PIK3C2A: variants seen among roughly 807,000 people sequenced by gnomAD.
PIK3C2A encodes the protein phosphatidylinositol-4-phosphate 3-kinase catalytic subunit type 2 alpha.
Under a neutral mutation model 204.5 loss-of-function variants are expected in PIK3C2A, and 97 were observed. That is an observed-to-expected ratio of 0.47 (90% CI 0.40 to 0.56). The LOEUF (loss-of-function observed/expected upper bound fraction) is 0.56, where lower values mean the gene tolerates loss of function less well. PIK3C2A is among the 20% of genes least tolerant of loss of function. The probability of loss-of-function intolerance (pLI) is 0.00; values close to 1 mark genes in which losing one functional copy is unlikely to be tolerated. For missense variants in PIK3C2A, 1,735 were observed against 1,969.2 expected (o/e 0.88, Z 2.25); for synonymous variants, 653 against 664.4 (o/e 0.98, Z 0.26).
intron 13 of PIK3C2A, among the ~76,000 whole-genome samples, chr11:17,125,979 C>T (rs1288758087): frequency 6.6e-6 from 1 of 151,758 alleles, no homozygotes; most frequent in Non-Finnish European, 1.5e-5. Context: ...CAAAAATTAG[C>T]CAGGCATGGT....
At chr11:17,123,005 T>C (rs1185273063) in intron 13 of PIK3C2A, among the ~76,000 whole-genome samples, 192 bp from the exon 14 acceptor site, 2 of 152,068 alleles carry the variant, frequency 1.3e-5, no homozygotes, top group African/African-American at 4.8e-5. Context: ...TGTATTGAAA[T>C]GTAGGGTGGG....
At chr11:17,162,558 T>C (rs924552677) in intron 2 of PIK3C2A, among the ~76,000 whole-genome samples, 1 of 152,198 alleles carries the variant, frequency 6.6e-6, no homozygotes, top group African/African-American at 2.4e-5. Context: ...AACCTACTCT[T>C]GTGCCAATCA....
intron 22 of PIK3C2A, among the ~76,000 whole-genome samples, chr11:17,108,027 C>G (rs1284301972): frequency 6.6e-6 from 1 of 152,146 alleles, no homozygotes; most frequent in South Asian, 2.1e-4. Context: ...TGCACCACCA[C>G]GCCTGGCTAA....
chr11:17,129,071 G>A (rs1175449210), intron 13 of PIK3C2A, among the ~76,000 whole-genome samples: 1 of 152,208 alleles, frequency 6.6e-6, no homozygotes, highest in Non-Finnish European at 1.5e-5. Flanking sequence ...GGAACAGTGA[G>A]TGGCAAACAA....
rs1216993564 is a variant in PIK3C2A, at chr11:17,089,388, T to C, written c.*350A>G. The C allele has an allele frequency of 5.9e-6, 1 of 170,918 alleles. No homozygotes were observed. The highest frequency in any genetic ancestry group is 1.2e-5 in the Non-Finnish European group (1 of 80,496). 10.6% of individuals were successfully genotyped at this position (170,918 alleles called of 1,614,324 possible). A position where few individuals can be genotyped will look rare whatever the true frequency, so the allele number is the denominator to read the frequency against. ...AAGGTGCATAACAGGAAAACACATATGCTTTGCCTCCTTATAGAAAACAAT... is the reference window on the plus strand; with the variant it reads ...AAGGTGCATAACAGGAAAACACATACGCTTTGCCTCCTTATAGAAAACAAT... On this transcript the variant is annotated 3_prime_UTR_variant, in exon 33 of 33. Transcript: ENST00000691414.
rs528356609 is a variant in PIK3C2A, at chr11:17,202,300, T to C, written c.-66+5548A>G. 7.0e-4 allele frequency among the ~76,000 whole-genome samples: 102 copies of C among 145,746 alleles called. 1 individual carries two copies. The highest frequency in any genetic ancestry group is 7.9e-3 in the Middle Eastern group (2 of 254). ...AGAAAGAAGGAAGAAAAGAAAAGAA[T>C]ACTGGGGTGGACGTGGTGGCTTATG... On this transcript the variant is annotated intron_variant, in intron 1 of 32. Transcript: ENST00000691414.
rs1005583167 is a variant in PIK3C2A at position 17,138,119 on chromosome 11, TG to T, written c.1705-1495del. 1.3e-5 allele frequency: 10 copies of T among 757,114 alleles called. No individual in the cohort carries two copies. In the Admixed American group the frequency reaches 1.4e-4, roughly 11 times the overall value. 46.9% of individuals were successfully genotyped at this position (757,114 alleles called of 1,614,324 possible). The stretch of plus-strand genomic sequence containing the variant: ...CCATAGGCCCTGCTGACATGTTTTT[TG>T]TTTTGGACAATCTCATAAGGGCTTT... On this transcript the variant is annotated intron_variant, in intron 8 of 32. Transcript: ENST00000691414.
At chr11:17,182,786 G>A (rs774323678) in intron 1 of PIK3C2A, among the ~76,000 whole-genome samples, 1 of 152,160 alleles carries the variant, frequency 6.6e-6, no homozygotes, top group East Asian at 1.9e-4. Context: ...GTGAATTAAT[G>A]AGCACTGCAC....
chr11:17,158,209 G>T (rs989674359), intron 2 of PIK3C2A, among the ~76,000 whole-genome samples: 1 of 150,260 alleles, frequency 6.7e-6, no homozygotes, highest in African/African-American at 2.5e-5. Flanking sequence ...TTAGCCGGGC[G>T]TGGTGGTGCA....
rs1293701464 is a variant in PIK3C2A at position 17,150,730 on chromosome 11, T to C, written c.1170-75A>G. 3.0e-6 allele frequency: 3 copies of C among 1,014,892 alleles called. No individual in the cohort carries two copies. The African/African-American group carries it at 5.0e-5, about 17-fold the overall frequency. 62.9% of individuals were successfully genotyped at this position (1,014,892 alleles called of 1,614,324 possible). On this transcript the variant is annotated intron_variant, in intron 3 of 32. Transcript: ENST00000691414. Reference sequence around the variant, plus strand: ...TGAGGGCTCTGAACAAGGCTTTACATGTTTACAGCCACTCAGTTCTGTGTC... The same window carrying C: ...TGAGGGCTCTGAACAAGGCTTTACACGTTTACAGCCACTCAGTTCTGTGTC...
intron 21 of PIK3C2A, among the ~76,000 whole-genome samples, chr11:17,112,180 G>C (rs567187670): frequency 2.0e-5 from 3 of 152,156 alleles, no homozygotes; most frequent in Non-Finnish European, 4.4e-5. Context: ...GGCTGGGCGC[G>C]ATGGCTCACA....
At chr11:17,095,867 A>G (rs543309697) in intron 27 of PIK3C2A, among the ~76,000 whole-genome samples, 1 of 151,672 alleles carries the variant, frequency 6.6e-6, no homozygotes, top group African/African-American at 2.4e-5. Flanking sequence ...TCAGGAGACG[A>G]GATTGCGCCA....
At chr11:17,187,698 TG>T (rs1298232018) in intron 1 of PIK3C2A, among the ~76,000 whole-genome samples, 19 of 151,544 alleles carry the variant, frequency 1.3e-4, no homozygotes, top group Admixed American at 1.1e-3. Flanking sequence ...TAGGAAGAGG[TG>T]GTATCAGAAT....
In PIK3C2A at chr11:17,147,334, T is replaced by G. The variant is rs1306881980; in HGVS notation, c.1560+183A>C. On this transcript the variant is annotated intron_variant, in intron 6 of 32. Coordinates refer to ENST00000691414, the MANE Select transcript of PIK3C2A (RefSeq NM_002645.4). ...AATATGCCTCTACCTCTAAGGACTA[T>G]GTTACCTAAACCTCCATGATTGAAC... Among the ~76,000 whole-genome samples the G allele has an allele frequency of 3.6e-4, 55 of 152,226 alleles. 1 individual carries two copies. Among genetic ancestry groups the G allele is most frequent in the Admixed American group, 3.6e-3 (55 of 15,282 alleles).
chr11:17,139,964 C>T (rs771647817), intron 8 of PIK3C2A, among the ~76,000 whole-genome samples: 3 of 152,190 alleles, frequency 2.0e-5, no homozygotes, highest in Non-Finnish European at 4.4e-5. Flanking sequence ...TTCCTTTAAT[C>T]TGCCCTTGGT....
intron 11 of PIK3C2A, among the ~76,000 whole-genome samples, chr11:17,133,224 T>G (rs1849757268): frequency 6.6e-6 from 1 of 152,148 alleles, no homozygotes; most frequent in African/African-American, 2.4e-5. Context: ...GTTCACCTCA[T>G]TAGTGTCCCT....
intron 1 of PIK3C2A, among the ~76,000 whole-genome samples, chr11:17,203,013 C>T (rs1852442887): frequency 1.3e-5 from 2 of 152,124 alleles, no homozygotes; most frequent in South Asian, 4.1e-4. Context: ...GTTGCTAAGC[C>T]AACAATAACT....
intron 18 of PIK3C2A, among the ~76,000 whole-genome samples, chr11:17,118,311 G>GATCCACT (rs1565253488): frequency 6.6e-6 from 1 of 151,822 alleles, no homozygotes; most frequent in East Asian, 1.9e-4. Context: ...GAGATCAAGC[G>GATCCACT]ATCCACTAGC....
chr11:17,163,456 A>C (rs1298044110), intron 2 of PIK3C2A, among the ~76,000 whole-genome samples: 1 of 152,192 alleles, frequency 6.6e-6, no homozygotes, highest in African/African-American at 2.4e-5. Context: ...GCTGGAGTAC[A>C]AGGGCCTTAT....
Sources: allele counts gnomAD v4.1 joint callset (sites outside exome capture counted in the v4.1 genomes callset), GRCh38; gene constraint gnomAD v4.1.1; transcripts MANE v1.5; gene names NCBI Gene and HGNC (gene_info 2026-07-23, HGNC 2026-07-21).